DPP6: variants seen among roughly 807,000 people sequenced by gnomAD.
DPP6 encodes A-type potassium channel modulatory protein DPP6.
A neutral mutation model predicts 122.6 loss-of-function variants in DPP6; 69 were observed. That is an observed-to-expected ratio of 0.56 (90% CI 0.46 to 0.69). DPP6 has a LOEUF of 0.69. Among genes scored for constraint, DPP6 ranks in the 30% least tolerant of loss-of-function variants. The probability of loss-of-function intolerance (pLI) is 0.00; values close to 1 mark genes in which losing one functional copy is unlikely to be tolerated. For synonymous variants in DPP6, 418 were observed against 433.1 expected, an observed-to-expected ratio of 0.97 and a Z score of 0.43; for missense variants, 928 against 1,116.9, an observed-to-expected ratio of 0.83 and a Z score of 2.41.
intron 5 of DPP6, among the ~76,000 whole-genome samples, chr7:154,614,078 G>A (rs375324731): frequency 4.0e-4 from 61 of 152,124 alleles, no homozygotes; most frequent in African/African-American, 1.3e-3. Flanking sequence ...ACCCCACCTT[G>A]CCCATCCACA....
intron 16 of DPP6, among the ~76,000 whole-genome samples, chr7:154,845,004 A>T (rs980483832): frequency 6.6e-6 from 1 of 152,228 alleles, no homozygotes; most frequent in Non-Finnish European, 1.5e-5. Flanking sequence ...ATGTACGAAC[A>T]GAGAGACCAC....
At chr7:154,701,507 G>T (rs1417745212) in intron 7 of DPP6, among the ~76,000 whole-genome samples, 2 of 152,210 alleles carry the variant, frequency 1.3e-5, no homozygotes, top group Non-Finnish European at 2.9e-5. Flanking sequence ...CATGAGCTTT[G>T]TCATTTGCTA....
intron 1 of DPP6, among the ~76,000 whole-genome samples, chr7:154,203,409 G>A (rs76115905): frequency 0.026 from 3,891 of 152,252 alleles, 168 homozygotes; most frequent in African/African-American, 0.088. Context: ...ATCTGAAGGT[G>A]ACATGCTGCA....
intron 8 of DPP6, among the ~76,000 whole-genome samples, chr7:154,743,490 C>T (rs1842905578): frequency 6.6e-6 from 1 of 152,024 alleles, no homozygotes; most frequent in African/African-American, 2.4e-5. Flanking sequence ...AAAGTCGGAG[C>T]GGAGTGTGTG....
At chr7:153,933,734 C>A (rs1563022428) in intron 1 of DPP6, among the ~76,000 whole-genome samples, 1 of 152,110 alleles carries the variant, frequency 6.6e-6, no homozygotes, top group Non-Finnish European at 1.5e-5. Context: ...TAGAAACACA[C>A]ACCACAGGTC....
chr7:154,209,916 G>A (rs1224432131), intron 1 of DPP6, among the ~76,000 whole-genome samples: 1 of 152,188 alleles, frequency 6.6e-6, no homozygotes, highest in Non-Finnish European at 1.5e-5. Flanking sequence ...AGATATGCAT[G>A]CAGTTAGACC....
intron 1 of DPP6, among the ~76,000 whole-genome samples, chr7:154,006,818 C>T (rs1384172776): frequency 2.6e-5 from 4 of 152,212 alleles, no homozygotes; most frequent in Non-Finnish European, 5.9e-5. Flanking sequence ...TTAATGGTCA[C>T]CCCACATATA....
At chr7:154,045,213 A>AC (rs1336199461) in intron 1 of DPP6, among the ~76,000 whole-genome samples, 3 of 151,596 alleles carry the variant, frequency 2.0e-5, no homozygotes, top group African/African-American at 4.8e-5. Context: ...AAAAAAAAAA[A>AC]AACACTCCCT....
chr7:154,284,896 A>G (rs1455031264), intron 1 of DPP6, among the ~76,000 whole-genome samples: 1 of 152,190 alleles, frequency 6.6e-6, no homozygotes, highest in African/African-American at 2.4e-5. Context: ...GCCAAATGAC[A>G]TAAACTGAAC....
chr7:154,254,955 A>T (rs1802565386), intron 1 of DPP6, among the ~76,000 whole-genome samples: 1 of 152,144 alleles, frequency 6.6e-6, no homozygotes, highest in South Asian at 2.1e-4. Flanking sequence ...TTCCTTTGCA[A>T]TTTGCAAAGG....
intron 12 of DPP6, among the ~76,000 whole-genome samples, chr7:154,797,802 C>A (rs967236473): frequency 6.6e-6 from 1 of 152,142 alleles, no homozygotes; most frequent in Non-Finnish European, 1.5e-5. Context: ...GGAATTTTAC[C>A]TCAACGATTT....
At chr7:153,755,077 G>A in the DPP6 span, among the ~76,000 whole-genome samples, 2 of 152,028 alleles carry the variant, frequency 1.3e-5, no homozygotes, top group Non-Finnish European at 2.9e-5. Flanking sequence ...TGTATGTTGA[G>A]TGATTTTGAA....
rs191794405 is a variant in DPP6, at chr7:153,890,822, C to T, written c.51+3088C>T. 4.0e-3 allele frequency among the ~76,000 whole-genome samples: 586 copies of T among 146,304 alleles called. 3 individuals are homozygous for T. Among genetic ancestry groups the T allele is most frequent in the Non-Finnish European group, 7.3e-3 (491 of 67,132 alleles). The stretch of plus-strand genomic sequence containing the variant: ...TCTCCTGCCTCAGCCTCTCGAGTAG[C>T]TGGGGACTACAGGCGTGCACCACCA... On this transcript the variant is annotated intron_variant, in intron 1 of 25. Coordinates refer to the DPP6 transcript ENST00000404039.
the DPP6 span, among the ~76,000 whole-genome samples, chr7:153,773,082 A>G: frequency 6.8e-6 from 1 of 148,002 alleles, no homozygotes; most frequent in African/African-American, 2.4e-5. Flanking sequence ...TCAGAAGCAA[A>G]CAGGGGTATT....
intron 1 of DPP6, among the ~76,000 whole-genome samples, chr7:154,100,503 G>A (rs1269683007): frequency 3.9e-5 from 3 of 77,562 alleles, no homozygotes; most frequent in Admixed American, 1.4e-4. Flanking sequence ...TGGAGCCTCC[G>A]CCGTCTCCCA....
At chr7:153,918,427 A>C (rs941684777) in intron 1 of DPP6, among the ~76,000 whole-genome samples, 1 of 110,842 alleles carries the variant, frequency 9.0e-6, no homozygotes, top group Admixed American at 9.8e-5. Context: ...AGTTAATTAA[A>C]ACACACACAC....
chr7:154,755,849 G>A lies in DPP6; in HGVS notation c.884-13568G>A, dbSNP rs186411445. On this transcript the variant is annotated intron_variant, in intron 8 of 25. Transcript: ENST00000377770. The surrounding 1 kb of genome is among the most constrained non-coding windows in gnomAD (Gnocchi z 4.7). The stretch of plus-strand genomic sequence containing the variant: ...AGGTCGGGAATGTTAGGACAAGGTG[G>A]CCTCTGTCTTCATCGTGTGTCTTGG... Among the ~76,000 whole-genome samples, 50 of 152,312 alleles carry A rather than the reference G, an allele frequency of 3.3e-4. 1 individual carries two copies. Among genetic ancestry groups the A allele is most frequent in the Admixed American group, 2.5e-3 (38 of 15,302 alleles).
intron 6 of DPP6, among the ~76,000 whole-genome samples, chr7:154,648,053 C>T (rs1316058944): frequency 6.6e-6 from 1 of 150,552 alleles, no homozygotes; most frequent in East Asian, 2.0e-4. Flanking sequence ...GAGTTCGAGA[C>T]CAGCCTGACC....
intron 1 of DPP6, among the ~76,000 whole-genome samples, chr7:154,286,361 AG>A (rs2150958227): frequency 6.6e-6 from 1 of 152,312 alleles, no homozygotes; most frequent in East Asian, 1.9e-4. Context: ...CATTCAGGAC[AG>A]ACATTGAGGC....
Sources: gnomAD v4.1 joint callset for allele counts (sites outside exome capture counted in the v4.1 genomes callset) on GRCh38, gnomAD v4.1.1 for gene constraint, Gnocchi (gnomAD v3.1) non-coding constraint, MANE v1.5 for transcripts, NCBI Gene and HGNC (gene_info 2026-07-23, HGNC 2026-07-21) for gene names.